USP13: variants seen among roughly 807,000 people sequenced by gnomAD.
USP13 encodes ubiquitin carboxyl-terminal hydrolase 13.
Under a neutral mutation model 107.8 loss-of-function variants are expected in USP13, and 68 were observed. The observed-to-expected ratio is 0.63, with a 90% CI of 0.52 to 0.77. The LOEUF is 0.77. Among genes scored for constraint, USP13 ranks in the 30% least tolerant of loss-of-function variants. USP13 has a pLI of 0.00. For missense variants in USP13, 945 were observed against 1,093.3 expected (o/e 0.86, Z 1.91); for synonymous variants, 377 against 389.5 (o/e 0.97, Z 0.38).
At chr3:179,740,475 T>C in intron 11 of USP13, 103 bp downstream of exon 11, 1 of 1,521,472 alleles carries the variant, frequency 6.6e-7, no homozygotes, top group Non-Finnish European at 8.9e-7. Context: ...CCCACTCTCT[T>C]TCTTCAATCT....
At chr3:179,658,267 T>C (rs565395833) in intron 1 of USP13, among the ~76,000 whole-genome samples, 22 of 152,200 alleles carry the variant, frequency 1.4e-4, no homozygotes, top group Admixed American at 4.6e-4. Context: ...TGATTTCCTT[T>C]TCTAAGACCA....
chr3:179,704,320 A>G (rs1025450941), intron 4 of USP13, among the ~76,000 whole-genome samples: 1 of 152,198 alleles, frequency 6.6e-6, no homozygotes, highest in African/African-American at 2.4e-5. Flanking sequence ...GAAAAGATCT[A>G]GTAGGGGTGG....
chr3:179,764,858 G>T (rs2108538691), intron 18 of USP13, among the ~76,000 whole-genome samples: 1 of 152,256 alleles, frequency 6.6e-6, no homozygotes, highest in East Asian at 1.9e-4. Flanking sequence ...TCCTGATGGG[G>T]TGCCTGCTAG....
At position 179,681,877 on chromosome 3, in the gene USP13, G is replaced by C; in HGVS notation, c.169-1G>C. Reference sequence around the variant, plus strand: ...TAATGTACTTTTTCTCTTTCTTCTAGAATTCTGAAGGTGGACTCTATGTAT... The same window carrying C: ...TAATGTACTTTTTCTCTTTCTTCTACAATTCTGAAGGTGGACTCTATGTAT... On this transcript the variant is annotated splice_acceptor_variant, in intron 1 of 20. Transcript: ENST00000263966. LOFTEE classifies it high-confidence loss of function. The C allele has an allele frequency of 6.2e-7, 1 of 1,610,982 alleles. No homozygotes were observed. The highest frequency in any genetic ancestry group is 8.5e-7 in the Non-Finnish European group (1 of 1,178,512).
At chr3:179,677,847 G>C (rs1206837457) in intron 1 of USP13, among the ~76,000 whole-genome samples, 11 of 152,096 alleles carry the variant, frequency 7.2e-5, no homozygotes, top group African/African-American at 1.2e-4. Context: ...GTGGCTGTCA[G>C]ACTCACTTAT....
At chr3:179,704,649 TGTG>T (rs972427416) in intron 4 of USP13, among the ~76,000 whole-genome samples, 21 of 152,260 alleles carry the variant, frequency 1.4e-4, no homozygotes, top group African/African-American at 4.6e-4. Context: ...GGAAGGGGCT[TGTG>T]GTGAACTCAG....
intron 1 of USP13, among the ~76,000 whole-genome samples, chr3:179,663,177 C>A (rs1720500746): frequency 6.6e-6 from 1 of 152,140 alleles, no homozygotes; most frequent in South Asian, 2.1e-4. Flanking sequence ...TGACAACCAC[C>A]ATTCAACTTT....
intron 19 of USP13, among the ~76,000 whole-genome samples, chr3:179,775,584 G>A (rs1657618494): frequency 6.6e-6 from 1 of 152,200 alleles, no homozygotes. Flanking sequence ...TGCCCCTCGG[G>A]GAGGCTTGGG....
At chr3:179,699,372 G>T (rs1467817821) in intron 3 of USP13, among the ~76,000 whole-genome samples, 2 of 151,868 alleles carry the variant, frequency 1.3e-5, no homozygotes, top group Non-Finnish European at 2.9e-5. Flanking sequence ...GTTTGGTTTG[G>T]TTCTTTATTT....
intron 3 of USP13, among the ~76,000 whole-genome samples, chr3:179,691,499 T>C (rs905487558): frequency 6.6e-5 from 10 of 152,226 alleles, no homozygotes; most frequent in Non-Finnish European, 1.3e-4. Context: ...TTGGAAAGAA[T>C]CCTACAGAGA....
chr3:179,670,982 C>A (rs1340756828), intron 1 of USP13, among the ~76,000 whole-genome samples: 1 of 152,076 alleles, frequency 6.6e-6, no homozygotes, highest in Non-Finnish European at 1.5e-5. Context: ...CAGGTGTGAA[C>A]CACCATGTCC....
chr3:179,756,180 T>C lies in USP13; in HGVS notation c.1922-872T>C, dbSNP rs989461914. Among the ~76,000 whole-genome samples, 14 of 152,110 alleles carry C rather than the reference T, an allele frequency of 9.2e-5. No individual in the cohort carries two copies. In the East Asian group the frequency reaches 1.9e-3, roughly 21 times the overall value. ...TGGCTCACATGTATAATCCCAGCAC[T>C]TGGGGAGGCCAAGGCGGGCAGATCA... On this transcript the variant is annotated intron_variant, in intron 15 of 20. Coordinates refer to ENST00000263966, the MANE Select transcript of USP13 (RefSeq NM_003940.3).
At chr3:179,765,994 T>TC in intron 19 of USP13, 146 bp downstream of exon 19, 1 of 988,180 alleles carries the variant, frequency 1.0e-6, no homozygotes, top group Non-Finnish European at 1.4e-6. Context: ...TTTTTTTTCT[T>TC]TTTTGAGACA....
chr3:179,727,163 GTTTTTTTTTTT>G (rs528617941), intron 8 of USP13, among the ~76,000 whole-genome samples: 2 of 114,358 alleles, frequency 1.7e-5, no homozygotes, highest in South Asian at 3.1e-4. Flanking sequence ...AATTTTTAAT[GTTTTTTTTTTT>G]TTTTTTTTTT....
rs1160286577 is a variant in USP13 at position 179,786,150 on chromosome 3, A to C, written c.*2009A>C. The C allele has an allele frequency of 6.6e-6, 1 of 152,312 alleles. No individual in the cohort carries two copies. Among genetic ancestry groups the C allele is most frequent in the Non-Finnish European group, 1.5e-5 (1 of 68,042 alleles). The allele number at this position is 152,312 out of a possible 1,614,324, so 9.4% of individuals were successfully genotyped here. A position where few individuals can be genotyped will look rare whatever the true frequency, so the allele number is the denominator to read the frequency against. Reference sequence around the variant, plus strand: ...TAAAGCAGTCCCACTCTGTTATGAGAGTCACTGACTCCCGTGGACATCCCC... The same window carrying C: ...TAAAGCAGTCCCACTCTGTTATGAGCGTCACTGACTCCCGTGGACATCCCC... On this transcript the variant is annotated 3_prime_UTR_variant, in exon 21 of 21. Transcript: ENST00000263966.
Position 179,653,182 on chromosome 3 carries a change from C to CCGGCTCCGGCTCGGCTCGCT in USP13, c.-34_-15dup. ...CGCCGCCGCCGGCAGACCCCGCGCT[C>CCGGCTCCGGCTCGGCTCGCT]CGGCTCCGGCTCGGCTCGCTCGGCT... On this transcript the variant is annotated 5_prime_UTR_variant, in exon 1 of 21. Transcript: ENST00000263966. This position sits in a 1 kb window ranked among gnomAD's most constrained non-coding sequence, Gnocchi z 4.0. 8.3e-7 allele frequency: 1 copy of CCGGCTCCGGCTCGGCTCGCT among 1,200,764 alleles called. No homozygotes were observed. The highest frequency in any genetic ancestry group is 3.6e-5 in the East Asian group (1 of 27,474). 74.4% of individuals were successfully genotyped at this position (1,200,764 alleles called of 1,614,324 possible). A position where few individuals can be genotyped will look rare whatever the true frequency, so the allele number is the denominator to read the frequency against.
intron 8 of USP13, among the ~76,000 whole-genome samples, chr3:179,725,485 C>T (rs1389199768): frequency 1.3e-5 from 2 of 152,200 alleles, no homozygotes; most frequent in Admixed American, 1.3e-4. Context: ...GAAGCATGCT[C>T]TGTTAATTTT....
At chr3:179,672,733 C>A (rs138978597) in intron 1 of USP13, among the ~76,000 whole-genome samples, 10 of 152,246 alleles carry the variant, frequency 6.6e-5, no homozygotes, top group African/African-American at 2.4e-4. Context: ...CCTTTCTTAC[C>A]GTTTGATTAT....
chr3:179,782,858 G>A (rs1715793838), intron 20 of USP13, among the ~76,000 whole-genome samples: 1 of 152,104 alleles, frequency 6.6e-6, no homozygotes, highest in South Asian at 2.1e-4. Context: ...CAATTCTCCT[G>A]CCTCAGTCTC....
Sources: allele counts gnomAD v4.1 joint callset (sites outside exome capture counted in the v4.1 genomes callset), GRCh38; gene constraint gnomAD v4.1.1; non-coding constraint Gnocchi (gnomAD v3.1); transcripts MANE v1.5; gene names NCBI Gene and HGNC (gene_info 2026-07-23, HGNC 2026-07-21).